FRAS1: variants seen among roughly 807,000 people sequenced by gnomAD.
FRAS1 encodes extracellular matrix organizing protein FRAS1.
In FRAS1, 290 loss-of-function variants were observed where a neutral mutation model predicts 435.2. That is an observed-to-expected ratio of 0.67 (90% CI 0.61 to 0.73). The LOEUF (loss-of-function observed/expected upper bound fraction) is 0.73. Among genes scored for constraint, FRAS1 ranks in the 30% least tolerant of loss-of-function variants. The pLI, the probability that FRAS1 is intolerant of heterozygous loss-of-function variation, is 0.00. For missense variants in FRAS1, 4,860 were observed against 5,001.5 expected (o/e 0.97, Z 0.85); for synonymous variants, 1,800 against 1,851.0 (o/e 0.97, Z 0.71).
At chr4:78,523,129 A>C (rs543544824) in intron 69 of FRAS1, among the ~76,000 whole-genome samples, 46 of 152,262 alleles carry the variant, frequency 3.0e-4, no homozygotes, top group African/African-American at 1.1e-3. Flanking sequence ...CATTCTAGCA[A>C]AGAAAGAAAG....
chr4:78,502,908 A>G (rs1474539012), intron 61 of FRAS1, among the ~76,000 whole-genome samples: 4 of 152,194 alleles, frequency 2.6e-5, no homozygotes, highest in African/African-American at 7.2e-5. Flanking sequence ...TAGTTTATTG[A>G]GAGTTTTTAG....
rs556567411 is a variant in FRAS1 at position 78,229,484 on chromosome 4, T to C, written c.109-8026T>C. On this transcript the variant is annotated intron_variant, in intron 2 of 73. Transcript: ENST00000512123. ...ACCTGGAGGATGTGTGGAAGTTAGA[T>C]TAAGAAGGGTGGGAGTATGCTGTTG... Among the ~76,000 whole-genome samples the C allele has an allele frequency of 6.6e-5, 10 of 152,138 alleles. No individual in the cohort carries two copies. The East Asian group carries it at 1.9e-3, about 29-fold the overall frequency.
intron 9 of FRAS1, 138 bp downstream of exon 9, chr4:78,267,570 T>G (rs1007087141): frequency 4.0e-6 from 3 of 750,592 alleles, no homozygotes; most frequent in Non-Finnish European, 6.5e-6. Flanking sequence ...GACCTTCTAG[T>G]GTAAAGCTTC....
In FRAS1 at chr4:78,137,020, A is replaced by G. The variant is rs567456078; in HGVS notation, c.108+71004A>G. Among the ~76,000 whole-genome samples the G allele has an allele frequency of 2.6e-5, 4 of 152,362 alleles. No homozygotes were observed. The South Asian group carries it at 6.2e-4, about 24-fold the overall frequency. ...GGCCTGAGGCCACTGGCACTGCACC[A>G]TCTGAAACAAATCCCTCCTCAGCAA... On this transcript the variant is annotated intron_variant, in intron 2 of 73. Coordinates refer to ENST00000512123, the MANE Select transcript of FRAS1 (RefSeq NM_025074.7).
chr4:78,478,111 A>G (rs1021710534), intron 55 of FRAS1, 50 bp downstream of exon 55: 4 of 1,516,204 alleles, frequency 2.6e-6, no homozygotes, highest in South Asian at 2.6e-5. Context: ...GCTAACATTT[A>G]TTGAGTTCCT....
At chr4:78,319,977 G>C (rs1729433631) in intron 18 of FRAS1, among the ~76,000 whole-genome samples, 1 of 152,252 alleles carries the variant, frequency 6.6e-6, no homozygotes, top group African/African-American at 2.4e-5. Context: ...AGGCTGACAT[G>C]TAGCCTTTTT....
intron 4 of FRAS1, among the ~76,000 whole-genome samples, chr4:78,246,278 T>C (rs1725242418): frequency 6.6e-6 from 1 of 152,192 alleles, no homozygotes. Context: ...GTCTCTTTAT[T>C]CAGGAGAGAG....
chr4:78,276,448 A>G (rs1177189973), intron 9 of FRAS1, among the ~76,000 whole-genome samples: 3 of 152,116 alleles, frequency 2.0e-5, no homozygotes, highest in African/African-American at 7.2e-5. Context: ...TTGTGGTTTT[A>G]TTTACCTTTG....
chr4:78,142,643 G>T (rs1254449352), intron 2 of FRAS1, among the ~76,000 whole-genome samples: 1 of 152,042 alleles, frequency 6.6e-6, no homozygotes, highest in Non-Finnish European at 1.5e-5. Context: ...TAAATATGTA[G>T]GTAAAGTTAA....
At chr4:78,410,826 G>A (rs1355397336) in intron 31 of FRAS1, among the ~76,000 whole-genome samples, 1 of 152,146 alleles carries the variant, frequency 6.6e-6, no homozygotes, top group East Asian at 1.9e-4. Flanking sequence ...CATCTTTGTT[G>A]CAAATATGAA....
chr4:78,537,592 A>C (rs542840115), intron 72 of FRAS1, among the ~76,000 whole-genome samples: 1 of 152,344 alleles, frequency 6.6e-6, no homozygotes, highest in African/African-American at 2.4e-5. Flanking sequence ...ATAAAATTTC[A>C]GATTCCACAT....
intron 9 of FRAS1, among the ~76,000 whole-genome samples, chr4:78,276,452 A>G (rs1560621550): frequency 6.6e-6 from 1 of 151,972 alleles, no homozygotes; most frequent in Non-Finnish European, 1.5e-5. Context: ...GGTTTTATTT[A>G]CCTTTGGTCT....
chr4:78,312,673 A>T (rs1434463917), intron 15 of FRAS1, among the ~76,000 whole-genome samples: 4 of 151,838 alleles, frequency 2.6e-5, no homozygotes, highest in East Asian at 3.9e-4. Flanking sequence ...CTAAAAATAA[A>T]AAAAAAAAAT....
At position 78,312,875 on chromosome 4, in the gene FRAS1, G is replaced by GAA. The variant is rs1266081436; in HGVS notation, c.1679-2718_1679-2717insAA. On this transcript the variant is annotated intron_variant, in intron 15 of 73. Coordinates refer to ENST00000512123, the MANE Select transcript of FRAS1 (RefSeq NM_025074.7). ...AAAGAAAGAAAGAGAGAGAGAGAGA[G>GAA]AGAGAGAAAGAAAGAAAGAAAGAAA... 6.0e-4 allele frequency among the ~76,000 whole-genome samples: 88 copies of GAA among 147,510 alleles called. 1 individual carries two copies. The highest frequency in any genetic ancestry group is 3.4e-3 in the Middle Eastern group (1 of 290).
In FRAS1 at chr4:78,208,989, A is replaced by T. The variant is rs192914728; in HGVS notation, c.109-28521A>T. 4.8e-3 allele frequency among the ~76,000 whole-genome samples: 734 copies of T among 152,064 alleles called. 1 individual carries two copies. Among genetic ancestry groups the T allele is most frequent in the Middle Eastern group, 0.02 (6 of 294 alleles). The stretch of plus-strand genomic sequence containing the variant: ...CTGTCTCTACAAAAAAATAAAAAAT[A>T]AAAAAATTAGCCAGGTGTAGTGGCA... On this transcript the variant is annotated intron_variant, in intron 2 of 73. Coordinates refer to ENST00000512123, the MANE Select transcript of FRAS1 (RefSeq NM_025074.7).
intron 32 of FRAS1, among the ~76,000 whole-genome samples, chr4:78,415,347 T>TC: frequency 6.6e-6 from 1 of 150,876 alleles, no homozygotes; most frequent in Admixed American, 6.6e-5. Flanking sequence ...TACCATCTGT[T>TC]CCCCCCAAAA....
In FRAS1 at chr4:78,544,010, T is replaced by A. The variant is rs1376764005; in HGVS notation, c.*2886T>A. ...TAGAGGACTCCTGCAGATTCTATTG[T>A]TGGGTGGGAAATAGTGTTGGAATGT... On this transcript the variant is annotated 3_prime_UTR_variant, in exon 74 of 74. Coordinates refer to ENST00000512123, the MANE Select transcript of FRAS1 (RefSeq NM_025074.7). 6.6e-6 allele frequency: 1 copy of A among 152,652 alleles called. No homozygotes were observed. Among genetic ancestry groups the A allele is most frequent in the Non-Finnish European group, 1.5e-5 (1 of 68,052 alleles). 9.5% of individuals were successfully genotyped at this position (152,652 alleles called of 1,614,324 possible).
At chr4:78,215,888 A>G (rs1308906466) in intron 2 of FRAS1, among the ~76,000 whole-genome samples, 1 of 152,200 alleles carries the variant, frequency 6.6e-6, no homozygotes, top group Non-Finnish European at 1.5e-5. Flanking sequence ...CCTTTTGGCT[A>G]TTGTGAATAA....
intron 14 of FRAS1, among the ~76,000 whole-genome samples, chr4:78,305,455 A>G (rs1332640309): frequency 1.3e-5 from 2 of 150,504 alleles, no homozygotes; most frequent in Non-Finnish European, 3.0e-5. Context: ...TAATGTTGAC[A>G]GTGGGGTGTT....
Sources: gnomAD v4.1 joint callset for allele counts (sites outside exome capture counted in the v4.1 genomes callset) on GRCh38, gnomAD v4.1.1 for gene constraint, MANE v1.5 for transcripts, NCBI Gene and HGNC (gene_info 2026-07-23, HGNC 2026-07-21) for gene names.